SPIDR: variants seen among roughly 807,000 people sequenced by gnomAD.
SPIDR encodes DNA repair-scaffolding protein.
SPIDR carries 93 observed loss-of-function variants against 104.6 expected under a neutral mutation model. The observed-to-expected ratio is 0.89, with a 90% CI of 0.75 to 1.06. SPIDR has a LOEUF of 1.06. SPIDR is among the 50% of genes least tolerant of loss of function. The pLI is 0.00. For synonymous variants in SPIDR, 431 were observed against 416.9 expected (o/e 1.03, Z -0.41); for missense variants, 1,154 against 1,111.2 (o/e 1.04, Z -0.55).
intron 8 of SPIDR, among the ~76,000 whole-genome samples, chr8:47,553,369 T>G (rs2090859648): frequency 6.6e-6 from 1 of 152,228 alleles, no homozygotes; most frequent in Non-Finnish European, 1.5e-5. Flanking sequence ...TCCCCGTCAC[T>G]TTCAGGTACA....
At chr8:47,503,466 G>T (rs1009647953) in intron 8 of SPIDR, among the ~76,000 whole-genome samples, 4 of 148,392 alleles carry the variant, frequency 2.7e-5, no homozygotes, top group South Asian at 4.2e-4. Flanking sequence ...AACCCCTGCC[G>T]TTTTTTGTTT....
intron 8 of SPIDR, among the ~76,000 whole-genome samples, chr8:47,543,265 A>G (rs979646328): frequency 5.9e-5 from 9 of 152,184 alleles, no homozygotes; most frequent in African/African-American, 2.2e-4. Context: ...TAGAGTGGCT[A>G]TTTCATTTTA....
In SPIDR at chr8:47,440,307, TTTC is replaced by T. The variant is rs1554695560; in HGVS notation, c.878-12_878-10del. 6.2e-7 allele frequency: 1 copy of T among 1,609,898 alleles called. No individual in the cohort carries two copies. The highest frequency in any genetic ancestry group is 2.2e-5 in the East Asian group (1 of 44,850). On this transcript the variant is annotated splice_polypyrimidine_tract_variant and intron_variant, in intron 7 of 19. Coordinates refer to ENST00000297423, the MANE Select transcript of SPIDR (RefSeq NM_001080394.4). The stretch of plus-strand genomic sequence containing the variant: ...TTTGATTTCATTTTTGCTTTGTTCT[TTTC>T]TTCAACTTCTAGGTAGAAAATCTGG...
rs1029039570 is a variant in SPIDR at position 47,735,719 on chromosome 8, A to T, written c.*269A>T. The stretch of plus-strand genomic sequence containing the variant: ...ATTGAATCTTAAGTTTAAGCTCTTC[A>T]TTTGGTATTTAGGCAATATATGAGA... On this transcript the variant is annotated 3_prime_UTR_variant, in exon 20 of 20. Transcript: ENST00000297423. 1 of 773,630 alleles carries T rather than the reference A, an allele frequency of 1.3e-6. No individual in the cohort carries two copies. Among genetic ancestry groups the T allele is most frequent in the Non-Finnish European group, 2.0e-6 (1 of 509,024 alleles). 47.9% of individuals were successfully genotyped at this position (773,630 alleles called of 1,614,324 possible).
At chr8:47,574,255 G>C (rs1397103075) in intron 8 of SPIDR, among the ~76,000 whole-genome samples, 1 of 152,126 alleles carries the variant, frequency 6.6e-6, no homozygotes, top group Non-Finnish European at 1.5e-5. Flanking sequence ...CTTTTGTTCT[G>C]AATGCCTACA....
At chr8:47,422,285 T>G (rs1185320785) in intron 7 of SPIDR, among the ~76,000 whole-genome samples, 1 of 152,190 alleles carries the variant, frequency 6.6e-6, no homozygotes, top group African/African-American at 2.4e-5. Flanking sequence ...CTGCTTTGTT[T>G]ACCTACTCAA....
chr8:47,521,049 A>G (rs1379524144), intron 8 of SPIDR, among the ~76,000 whole-genome samples: 1 of 152,200 alleles, frequency 6.6e-6, no homozygotes, highest in Admixed American at 6.5e-5. Context: ...ATGCATGTGT[A>G]CCATTTTGAG....
At chr8:47,694,047 G>A (rs1471898439) in intron 11 of SPIDR, among the ~76,000 whole-genome samples, 1 of 152,148 alleles carries the variant, frequency 6.6e-6, no homozygotes, top group African/African-American at 2.4e-5. Flanking sequence ...CTGCAGGTTG[G>A]CCTGCTCCTA....
At chr8:47,550,121 C>T (rs1201006855) in intron 8 of SPIDR, among the ~76,000 whole-genome samples, 2 of 152,138 alleles carry the variant, frequency 1.3e-5, no homozygotes, top group Admixed American at 1.3e-4. Context: ...TTCCATTGGT[C>T]TGTATCTCTG....
intron 10 of SPIDR, among the ~76,000 whole-genome samples, chr8:47,658,012 AG>A (rs2073178120): frequency 1.4e-5 from 2 of 144,594 alleles, no homozygotes; most frequent in African/African-American, 2.6e-5. Context: ...CCTGGGCAAC[AG>A]ATTGAGACCC....
chr8:47,508,525 C>G (rs1027602092), intron 8 of SPIDR, among the ~76,000 whole-genome samples: 1 of 152,210 alleles, frequency 6.6e-6, no homozygotes, highest in African/African-American at 2.4e-5. Context: ...AAATCTTTGA[C>G]AGTGGCATTA....
At chr8:47,698,536 T>C (rs1470613821) in intron 11 of SPIDR, among the ~76,000 whole-genome samples, 1 of 152,384 alleles carries the variant, frequency 6.6e-6, no homozygotes, top group South Asian at 2.1e-4. Context: ...ATTTAACTCA[T>C]AGCCATTCTT....
At chr8:47,559,650 A>G (rs1330239817) in intron 8 of SPIDR, among the ~76,000 whole-genome samples, 1 of 152,246 alleles carries the variant, frequency 6.6e-6, no homozygotes, top group Non-Finnish European at 1.5e-5. Context: ...GGCTTGACCC[A>G]GAAGTGTCCC....
In SPIDR at chr8:47,437,599, A is replaced by G. The variant is rs1554693224; in HGVS notation, c.878-2724A>G. On this transcript the variant is annotated intron_variant, in intron 7 of 19. Transcript: ENST00000297423. ...CAAAGGACATGAACAGACACTTCTC[A>G]AAAGAAGACATTTATGCAGCCAAAA... Among the ~76,000 whole-genome samples, 4 of 152,152 alleles carry G rather than the reference A, an allele frequency of 2.6e-5. No homozygotes were observed. In the South Asian group the frequency reaches 8.3e-4, roughly 32 times the overall value.
intron 8 of SPIDR, among the ~76,000 whole-genome samples, chr8:47,479,715 A>T (rs1335669263): frequency 6.6e-6 from 1 of 152,220 alleles, no homozygotes; most frequent in Non-Finnish European, 1.5e-5. Context: ...GCTCAGGGCA[A>T]CTTGTCAGAA....
In SPIDR at chr8:47,707,208, G is replaced by A. The variant is rs190680874; in HGVS notation, c.1977+5193G>A. 1.6e-3 allele frequency among the ~76,000 whole-genome samples: 242 copies of A among 147,814 alleles called. 1 individual carries two copies. Among genetic ancestry groups the A allele is most frequent in the African/African-American group, 5.9e-3 (235 of 39,964 alleles). ...GGCAGAGGTTGAGTGAGCCAAGATCGCTCCATTGCACTCCAGCCTGGGTGA... is the reference window on the plus strand; with the variant it reads ...GGCAGAGGTTGAGTGAGCCAAGATCACTCCATTGCACTCCAGCCTGGGTGA... On this transcript the variant is annotated intron_variant, in intron 14 of 19. Coordinates refer to ENST00000297423, the MANE Select transcript of SPIDR (RefSeq NM_001080394.4).
chr8:47,543,863 A>G (rs904886971), intron 8 of SPIDR, among the ~76,000 whole-genome samples: 1 of 152,180 alleles, frequency 6.6e-6, no homozygotes. Context: ...TCAAAACTTC[A>G]AAGAGGGAGA....
chr8:47,595,740 C>A lies in SPIDR; in HGVS notation c.1098-71C>A, dbSNP rs181952603. On this transcript the variant is annotated intron_variant, in intron 8 of 19. Coordinates refer to ENST00000297423, the MANE Select transcript of SPIDR (RefSeq NM_001080394.4). ...CAGGCGAGTCATTGCTCTTTGCATT[C>A]CTGATTTAGCAAGAATATGAGGGGA... 6.9e-6 allele frequency: 10 copies of A among 1,457,672 alleles called. No homozygotes were observed. In the East Asian group the frequency reaches 2.3e-4, roughly 33 times the overall value. 90.3% of individuals were successfully genotyped at this position (1,457,672 alleles called of 1,614,324 possible).
chr8:47,314,775 A>G (rs984372752), intron 5 of SPIDR, among the ~76,000 whole-genome samples: 3 of 152,240 alleles, frequency 2.0e-5, no homozygotes, highest in African/African-American at 7.2e-5. Context: ...TAGCAAACTT[A>G]CAAACCTAGG....
Sources: allele counts gnomAD v4.1 joint callset (sites outside exome capture counted in the v4.1 genomes callset), GRCh38; gene constraint gnomAD v4.1.1; transcripts MANE v1.5; gene names NCBI Gene and HGNC (gene_info 2026-07-23, HGNC 2026-07-21).